The following KIF6 variants were observed in gnomAD, a reference collection of about 807,000 sequenced individuals.
KIF6 encodes the protein kinesin-like protein KIF6.
Under a neutral mutation model 112.7 loss-of-function variants are expected in KIF6, and 106 were observed. The ratio of observed to expected loss-of-function variants is 0.94; its 90% CI spans 0.80 to 1.11. The LOEUF is 1.11. Ranked by LOEUF, KIF6 falls within the 50% of genes least tolerant of loss-of-function variation. The pLI is 0.00. For synonymous variants in KIF6, 339 were observed against 339.9 expected (o/e 1.00, Z 0.03); for missense variants, 929 against 964.0 (o/e 0.96, Z 0.48).
At position 39,448,867 on chromosome 6, in the gene KIF6, C is replaced by A. The variant is rs779429868; in HGVS notation, c.1646-17706G>T. The stretch of plus-strand genomic sequence containing the variant: ...AATTGGCATATCAAACTTAACATAC[C>A]CCAAACAGAACTCTTAATTTCATGC... On this transcript the variant is annotated intron_variant, in intron 13 of 22. Coordinates refer to ENST00000287152, the MANE Select transcript of KIF6 (RefSeq NM_145027.6). 6.4e-4 allele frequency among the ~76,000 whole-genome samples: 98 copies of A among 152,270 alleles called. 2 individuals are homozygous for A. The highest frequency in any genetic ancestry group is 6.8e-3 in the Middle Eastern group (2 of 294).
intron 13 of KIF6, among the ~76,000 whole-genome samples, chr6:39,493,567 G>C (rs1372829159): frequency 6.6e-6 from 1 of 152,216 alleles, no homozygotes; most frequent in East Asian, 1.9e-4. Flanking sequence ...AGTAGTTCTA[G>C]AAAAGGTGTG....
intron 3 of KIF6, among the ~76,000 whole-genome samples, chr6:39,696,273 A>T (rs547950480): frequency 9.2e-4 from 140 of 152,314 alleles, no homozygotes; most frequent in Non-Finnish European, 1.7e-3. Flanking sequence ...ACACCCGCAC[A>T]TGTACCCCTG....
chr6:39,474,252 A>T (rs1483157369), intron 13 of KIF6, among the ~76,000 whole-genome samples: 1 of 152,212 alleles, frequency 6.6e-6, no homozygotes. Context: ...TACCTATTTG[A>T]GGTCTCTTCA....
intron 3 of KIF6, among the ~76,000 whole-genome samples, chr6:39,659,335 T>A (rs1785989727): frequency 6.6e-6 from 1 of 152,346 alleles, no homozygotes; most frequent in East Asian, 1.9e-4. Flanking sequence ...TTAATCTGAT[T>A]TTCTTTCTTT....
chr6:39,555,394 C>T (rs928978533), intron 10 of KIF6, among the ~76,000 whole-genome samples: 2 of 152,134 alleles, frequency 1.3e-5, no homozygotes, highest in African/African-American at 2.4e-5. Context: ...GTGTCTTTTG[C>T]TGCCCCCCAC....
At chr6:39,562,612 T>A (rs1301408494) in intron 10 of KIF6, among the ~76,000 whole-genome samples, 1 of 152,194 alleles carries the variant, frequency 6.6e-6, no homozygotes, top group Non-Finnish European at 1.5e-5. Flanking sequence ...AAAGAGCAGA[T>A]CTTGAGACAG....
intron 13 of KIF6, among the ~76,000 whole-genome samples, chr6:39,530,781 T>C (rs1778007093): frequency 1.3e-5 from 2 of 152,326 alleles, no homozygotes; most frequent in African/African-American, 4.8e-5. Context: ...GAAGCAGCCC[T>C]AGGGACAGTT....
At chr6:39,404,884 A>C (rs1768978059) in intron 15 of KIF6, among the ~76,000 whole-genome samples, 1 of 151,318 alleles carries the variant, frequency 6.6e-6, no homozygotes, top group African/African-American at 2.4e-5. Flanking sequence ...GATCTTCCAT[A>C]TGTTTTGATA....
At chr6:39,653,574 T>G (rs1032276452) in intron 3 of KIF6, among the ~76,000 whole-genome samples, 24 of 152,156 alleles carry the variant, frequency 1.6e-4, no homozygotes, top group African/African-American at 5.8e-4. Flanking sequence ...ATCTAAAAAC[T>G]CTTTTCAATT....
At chr6:39,666,669 T>A (rs1310137896) in intron 3 of KIF6, among the ~76,000 whole-genome samples, 1 of 152,178 alleles carries the variant, frequency 6.6e-6, no homozygotes, top group Non-Finnish European at 1.5e-5. Context: ...CTCGAATTCT[T>A]TTTACTCTCT....
At chr6:39,597,449 T>C (rs1265355822) in intron 6 of KIF6, among the ~76,000 whole-genome samples, 3 of 152,124 alleles carry the variant, frequency 2.0e-5, no homozygotes, top group Non-Finnish European at 4.4e-5. Flanking sequence ...GACAGCTAGG[T>C]CAGTGAGACA....
intron 13 of KIF6, among the ~76,000 whole-genome samples, chr6:39,467,687 T>G (rs1773873877): frequency 6.6e-6 from 1 of 152,114 alleles, no homozygotes; most frequent in Non-Finnish European, 1.5e-5. Flanking sequence ...AAAAGGTGGG[T>G]GGGGATCAAT....
chr6:39,616,267 C>T (rs1461672021), intron 5 of KIF6, among the ~76,000 whole-genome samples: 1 of 152,202 alleles, frequency 6.6e-6, no homozygotes, highest in African/African-American at 2.4e-5. Context: ...AGAACTATTA[C>T]ACTTCTACAT....
chr6:39,368,846 G>A (rs555629931), intron 16 of KIF6, among the ~76,000 whole-genome samples: 1 of 152,300 alleles, frequency 6.6e-6, no homozygotes, highest in Admixed American at 6.5e-5. Flanking sequence ...TAGAGCAAAG[G>A]CTGTGGGGCC....
chr6:39,471,447 C>T (rs1774111935), intron 13 of KIF6, among the ~76,000 whole-genome samples: 1 of 152,190 alleles, frequency 6.6e-6, no homozygotes, highest in South Asian at 2.1e-4. Context: ...TGGGCAAGGA[C>T]ACTGGTCACA....
At chr6:39,533,388 C>T (rs1265880867) in intron 13 of KIF6, among the ~76,000 whole-genome samples, 1 of 152,166 alleles carries the variant, frequency 6.6e-6, no homozygotes, top group African/African-American at 2.4e-5. Flanking sequence ...GGGTCCTGCA[C>T]CCACAGAGTC....
At chr6:39,677,066 T>C (rs1022082370) in intron 3 of KIF6, among the ~76,000 whole-genome samples, 1 of 152,140 alleles carries the variant, frequency 6.6e-6, no homozygotes, top group Non-Finnish European at 1.5e-5. Context: ...ACACATTTTA[T>C]TGTGATCATA....
At chr6:39,629,475 A>T (rs1784251062) in intron 5 of KIF6, among the ~76,000 whole-genome samples, 1 of 152,076 alleles carries the variant, frequency 6.6e-6, no homozygotes, top group Non-Finnish European at 1.5e-5. Flanking sequence ...TCTTCAGCGA[A>T]GTGGCTATTC....
intron 15 of KIF6, among the ~76,000 whole-genome samples, chr6:39,392,195 C>T (rs1468702231): frequency 1.3e-5 from 2 of 152,172 alleles, no homozygotes; most frequent in East Asian, 1.9e-4. Context: ...CTGTTTTTGA[C>T]ATCTGTTTTG....
Sources: gnomAD v4.1 joint callset for allele counts (sites outside exome capture counted in the v4.1 genomes callset) on GRCh38, gnomAD v4.1.1 for gene constraint, MANE v1.5 for transcripts, NCBI Gene and HGNC (gene_info 2026-07-23, HGNC 2026-07-21) for gene names.